NFIX: variants seen among roughly 807,000 people sequenced by gnomAD.
NFIX encodes nuclear factor 1 X-type.
NFIX carries 2 observed loss-of-function variants against 53.3 expected under a neutral mutation model. The ratio of observed to expected loss-of-function variants is 0.04; its 90% CI spans 0.02 to 0.12. The LOEUF (loss-of-function observed/expected upper bound fraction) is 0.12. Among genes scored for constraint, NFIX ranks in the 10% least tolerant of loss-of-function variants. NFIX has a pLI of 1.00. For synonymous variants in NFIX, 244 were observed against 289.0 expected, an observed-to-expected ratio of 0.84 and a Z score of 1.58; for missense variants, 310 against 674.5, an observed-to-expected ratio of 0.46 and a Z score of 5.99.
Position 13,098,297 on chromosome 19 carries a change from C to T in NFIX, c.*3648C>T, listed in dbSNP as rs2018586742. On this transcript the variant is annotated 3_prime_UTR_variant, in exon 11 of 11. Transcript: ENST00000592199. ...CCCCACCCACCCTCGGGGCGCCCCC[C>T]TCCCCCCGCAAGCCAGCCTGGGCCA... 1 of 148,122 alleles carries T rather than the reference C, an allele frequency of 6.8e-6. No individual in the cohort carries two copies. The highest frequency in any genetic ancestry group is 2.5e-5 in the African/African-American group (1 of 40,252). 9.2% of individuals were successfully genotyped at this position (148,122 alleles called of 1,614,324 possible).
At chr19:13,082,013 T>A in intron 8 of NFIX, 158 bp downstream of exon 8, 2 of 777,872 alleles carry the variant, frequency 2.6e-6, no homozygotes, top group South Asian at 1.8e-5. Flanking sequence ...TTTCTGGGTC[T>A]GGGGACGGGG....
chr19:13,094,583 TG>T lies in NFIX; in HGVS notation c.1495-49del. 6.5e-7 allele frequency: 1 copy of T among 1,533,450 alleles called. No homozygotes were observed. Among genetic ancestry groups the T allele is most frequent in the Non-Finnish European group, 8.7e-7 (1 of 1,144,848 alleles). 95.0% of individuals were successfully genotyped at this position (1,533,450 alleles called of 1,614,324 possible). A position where few individuals can be genotyped will look rare whatever the true frequency, so the allele number is the denominator to read the frequency against. On this transcript the variant is annotated intron_variant, in intron 10 of 10. Coordinates refer to ENST00000592199, the MANE Select transcript of NFIX (RefSeq NM_001365902.3). The surrounding 1 kb of genome is among the most constrained non-coding windows in gnomAD (Gnocchi z 4.3). ...GTCACTGGGCCAGGTAGGAGTGAGA[TG>T]GGACCTGCCCCAGCTGTTCTCAGTA... is the stretch of plus-strand genomic sequence containing the variant.
Position 13,078,866 on chromosome 19 carries a change from A to C in NFIX, c.1078+131A>C, listed in dbSNP as rs1222863082. 12 of 1,130,502 alleles carry C rather than the reference A, an allele frequency of 1.1e-5. No homozygotes were observed. The highest frequency in any genetic ancestry group is 3.0e-4 in the Middle Eastern group (1 of 3,366). The allele number at this position is 1,130,502 out of a possible 1,614,324, so 70.0% of individuals were successfully genotyped here. On this transcript the variant is annotated intron_variant, in intron 7 of 10. Coordinates refer to ENST00000592199, the MANE Select transcript of NFIX (RefSeq NM_001365902.3). The surrounding 1 kb of genome is among the most constrained non-coding windows in gnomAD (Gnocchi z 4.7). The stretch of plus-strand genomic sequence containing the variant: ...ACGCTCTCCAAGTGGGCCAAGGTGC[A>C]GCAGCGGGTGGGCATGGGAGCCGGC...
chr19:13,079,664 C>T (rs936902380), intron 7 of NFIX, among the ~76,000 whole-genome samples: 4 of 151,540 alleles, frequency 2.6e-5, no homozygotes, highest in African/African-American at 4.9e-5. Context: ...GTGTGGTGGC[C>T]GCGAGGTGGG....
chr19:12,997,877 A>G lies in NFIX; in HGVS notation c.27+2013A>G, dbSNP rs75394391. Among the ~76,000 whole-genome samples the G allele has an allele frequency of 1.9e-3, 291 of 152,238 alleles. 6 individuals are homozygous for G. In the East Asian group the frequency reaches 0.049, roughly 25 times the overall value. ...CCGGTGCTTGGCTCTGTGTGATTGT[A>G]GGCCCAGGTTACGACAGTTCCAGTG... is the stretch of plus-strand genomic sequence containing the variant. On this transcript the variant is annotated intron_variant, in intron 1 of 10. Transcript: ENST00000592199.
At chr19:13,024,471 G>C in intron 1 of NFIX, 1 of 1,470,686 alleles carries the variant, frequency 6.8e-7, no homozygotes, top group Non-Finnish European at 9.0e-7. Context: ...TCACTCGCTT[G>C]CTCGTGGATG....
At chr19:13,050,925 G>A (rs2015289915) in intron 2 of NFIX, among the ~76,000 whole-genome samples, 1 of 152,338 alleles carries the variant, frequency 6.6e-6, no homozygotes, top group South Asian at 2.1e-4. Flanking sequence ...CAGATGGCCT[G>A]TCCCTTCCGT....
chr19:13,057,580 G>T (rs2015792681), intron 2 of NFIX, among the ~76,000 whole-genome samples: 1 of 152,146 alleles, frequency 6.6e-6, no homozygotes, highest in South Asian at 2.1e-4. Flanking sequence ...AGGCTGAGGA[G>T]AGGGGAACAA....
chr19:13,004,551 C>T (rs991052065), intron 1 of NFIX, among the ~76,000 whole-genome samples: 2 of 152,136 alleles, frequency 1.3e-5, no homozygotes, highest in Admixed American at 6.6e-5. Context: ...TGAGACCTGC[C>T]CTGGTGGCAC....
rs576735917 is a variant in NFIX at position 13,022,797 on chromosome 19, C to G, written c.28-2224C>G. On this transcript the variant is annotated intron_variant, in intron 1 of 10. Coordinates refer to ENST00000592199, the MANE Select transcript of NFIX (RefSeq NM_001365902.3). This position sits in a 1 kb window ranked among gnomAD's most constrained non-coding sequence, Gnocchi z 4.5. ...AAAAATTTCGAGTCTTCCACAATCC[C>G]AGTCCCCCCCAATGCCCCACCCCAC... Among the ~76,000 whole-genome samples the G allele has an allele frequency of 2.2e-4, 34 of 152,268 alleles. No homozygotes were observed. The South Asian group carries it at 3.5e-3, about 16-fold the overall frequency.
rs764161803 is a variant in NFIX at position 13,025,289 on chromosome 19, A to G, written c.296A>G (p.Lys99Arg). Residue 99 changes from lysine (K) to arginine (R), a missense_variant, in exon 2 of 11, where the codon AAG becomes AGG. Lys to Arg is a conservative substitution (Grantham distance 26). This residue lies in a region of NFIX where 64 missense variants were observed against 144.5 expected (regional missense o/e 0.44). Coordinates refer to ENST00000592199, the MANE Select transcript of NFIX (RefSeq NM_001365902.3). This position sits in a 1 kb window ranked among gnomAD's most constrained non-coding sequence, Gnocchi z 7.5. ...EDFVLTITGK[K>R]PPCCVLSNPD... is the part of the protein sequence containing the mutation. ...TTCGTGCTGACCATCACGGGCAAGA[A>G]GCCCCCCTGCTGCGTGCTCTCCAAC... The G allele has an allele frequency of 3.7e-6, 6 of 1,613,972 alleles. No homozygotes were observed. In the South Asian group the frequency reaches 4.4e-5, roughly 12 times the overall value.
At chr19:13,010,599 A>G (rs912695445) in intron 1 of NFIX, among the ~76,000 whole-genome samples, 3 of 152,136 alleles carry the variant, frequency 2.0e-5, no homozygotes, top group African/African-American at 7.2e-5. Context: ...TAACACAAGC[A>G]TTCACTCCCC....
chr19:13,078,492 T>C lies in NFIX; in HGVS notation c.956-121T>C. 2.4e-6 allele frequency: 3 copies of C among 1,272,628 alleles called. No homozygotes were observed. Among genetic ancestry groups the C allele is most frequent in the South Asian group, 2.9e-5 (2 of 69,052 alleles). The allele number at this position is 1,272,628 out of a possible 1,614,324, so 78.8% of individuals were successfully genotyped here. A position where few individuals can be genotyped will look rare whatever the true frequency, so the allele number is the denominator to read the frequency against. ...CAAGGAGCAGCAGGAGGGAGCACAG[T>C]GGAGGAAGGGGCAGTGGGGAGGGGC... is the stretch of plus-strand genomic sequence containing the variant. On this transcript the variant is annotated intron_variant, in intron 6 of 10. Coordinates refer to ENST00000592199, the MANE Select transcript of NFIX (RefSeq NM_001365902.3). The surrounding 1 kb of genome is among the most constrained non-coding windows in gnomAD (Gnocchi z 4.7).
At chr19:13,075,694 C>G in intron 6 of NFIX, 23 bp downstream of exon 6, 1 of 1,608,600 alleles carries the variant, frequency 6.2e-7, no homozygotes, top group Non-Finnish European at 8.5e-7. Context: ...GGGATCCTGA[C>G]CCAGAGCAAG....
chr19:13,074,157 C>T lies in NFIX; in HGVS notation c.818+131C>T. On this transcript the variant is annotated intron_variant, in intron 5 of 10. Coordinates refer to ENST00000592199, the MANE Select transcript of NFIX (RefSeq NM_001365902.3). ...AATGTCACCTCTCTCATTGAGGGCA[C>T]TGGCTCTAACACTTTAGAGTCCACC... The T allele has an allele frequency of 2.3e-5, 27 of 1,191,110 alleles. No individual in the cohort carries two copies. In the South Asian group the frequency reaches 3.9e-4, roughly 17 times the overall value. 73.8% of individuals were successfully genotyped at this position (1,191,110 alleles called of 1,614,324 possible). A position where few individuals can be genotyped will look rare whatever the true frequency, so the allele number is the denominator to read the frequency against.
At chr19:13,057,280 A>G (rs2015762152) in intron 2 of NFIX, among the ~76,000 whole-genome samples, 1 of 152,170 alleles carries the variant, frequency 6.6e-6, no homozygotes, top group Non-Finnish European at 1.5e-5. Flanking sequence ...CAGAGCGGGG[A>G]GCGAGCAGGA....
chr19:12,999,396 A>T (rs2011591188), intron 1 of NFIX, among the ~76,000 whole-genome samples: 1 of 151,264 alleles, frequency 6.6e-6, no homozygotes, highest in Non-Finnish European at 1.5e-5. Context: ...CTGGTCTTGA[A>T]CTTCTGACCT....
chr19:13,028,354 C>T lies in NFIX; in HGVS notation c.559+2802C>T, dbSNP rs1483350111. ...TTTTCTTAAGACAGGGCTGAAGAGC[C>T]AGATCTGGGCTGAGCTGGGGGTCCT... is the stretch of plus-strand genomic sequence containing the variant. On this transcript the variant is annotated intron_variant, in intron 2 of 10. Transcript: ENST00000592199. This position sits in a 1 kb window ranked among gnomAD's most constrained non-coding sequence, Gnocchi z 4.2. Among the ~76,000 whole-genome samples the T allele has an allele frequency of 1.3e-5, 2 of 152,122 alleles. No homozygotes were observed. Among genetic ancestry groups the T allele is most frequent in the Non-Finnish European group, 2.9e-5 (2 of 68,022 alleles).
Position 13,025,470 on chromosome 19 carries a change from C to T in NFIX, c.477C>T (p.Pro159=), listed in dbSNP as rs1364485361. Residue 159 remains proline, a synonymous_variant, in exon 2 of 11, where the codon CCC becomes CCT. Coordinates refer to ENST00000592199, the MANE Select transcript of NFIX (RefSeq NM_001365902.3). The surrounding 1 kb of genome is among the most constrained non-coding windows in gnomAD (Gnocchi z 7.5). ...ACAAGTCGCCTCAGTGCTCGAACCC[C>T]GGCCTGTGCGTCCAGCCACATCACA... The part of the protein sequence containing the change: ...RLYKSPQCSN[P]GLCVQPHHIG... 5 of 1,613,922 alleles carry T rather than the reference C, an allele frequency of 3.1e-6. No homozygotes were observed. The highest frequency in any genetic ancestry group is 4.2e-6 in the Non-Finnish European group (5 of 1,179,908).
Sources: allele counts gnomAD v4.1 joint callset (sites outside exome capture counted in the v4.1 genomes callset), GRCh38; gene constraint gnomAD v4.1.1; regional missense constraint gnomAD v4.1.1; non-coding constraint Gnocchi (gnomAD v3.1); transcripts MANE v1.5; gene names NCBI Gene and HGNC (gene_info 2026-07-23, HGNC 2026-07-21).